The following LIMS1 variants were observed in gnomAD, a reference collection of about 807,000 sequenced individuals.
LIMS1 encodes the protein LIM zinc finger domain containing 1, also known as LIM and senescent cell antigen-like-containing domain protein 1.
In LIMS1, 18 loss-of-function variants were observed where a neutral mutation model predicts 44.1. The observed-to-expected ratio is 0.41, with a 90% CI of 0.28 to 0.61. The LOEUF (loss-of-function observed/expected upper bound fraction) is 0.61, where lower values mean the gene tolerates loss of function less well. LIMS1 is among the 20% of genes least tolerant of loss of function. The probability of loss-of-function intolerance (pLI) is 0.32; values close to 1 mark genes in which losing one functional copy is unlikely to be tolerated. For synonymous variants in LIMS1, 93 were observed against 149.1 expected (o/e 0.62, Z 2.74); for missense variants, 201 against 422.0 (o/e 0.48, Z 4.59).
intron 1 of LIMS1, among the ~76,000 whole-genome samples, chr2:108,619,357 G>C (rs1051809381): frequency 2.0e-5 from 3 of 148,054 alleles, no homozygotes; most frequent in Non-Finnish European, 4.5e-5. Context: ...GGTTGTTTCT[G>C]TTCTTTTTTT....
intron 1 of LIMS1, among the ~76,000 whole-genome samples, chr2:108,604,647 T>C (rs1035864005): frequency 6.6e-6 from 1 of 152,218 alleles, no homozygotes; most frequent in African/African-American, 2.4e-5. Flanking sequence ...ATGGGTTTCT[T>C]GTAACTAGCA....
chr2:108,679,012 A>C (rs1220395740), intron 8 of LIMS1, among the ~76,000 whole-genome samples: 1 of 152,174 alleles, frequency 6.6e-6, no homozygotes, highest in Non-Finnish European at 1.5e-5. Context: ...GATTAAAGTC[A>C]GCCCTCCGTA....
chr2:108,584,819 G>T (rs1336510663), intron 1 of LIMS1, among the ~76,000 whole-genome samples: 1 of 152,016 alleles, frequency 6.6e-6, no homozygotes, highest in African/African-American at 2.4e-5. Flanking sequence ...AAAGTGAGCG[G>T]CAGGAAGTGT....
intron 1 of LIMS1, among the ~76,000 whole-genome samples, chr2:108,583,477 T>TA (rs1573371544): frequency 6.6e-6 from 1 of 152,306 alleles, no homozygotes; most frequent in East Asian, 1.9e-4. Context: ...ATGACTTTCA[T>TA]AACAAGGACC....
At chr2:108,573,826 G>A (rs1235943771) in intron 1 of LIMS1, among the ~76,000 whole-genome samples, 1 of 152,162 alleles carries the variant, frequency 6.6e-6, no homozygotes, top group African/African-American at 2.4e-5. Context: ...GTTGATCTTG[G>A]AAGTCTTCTC....
chr2:108,536,468 A>G (rs754906252), intron 1 of LIMS1, among the ~76,000 whole-genome samples: 2 of 152,222 alleles, frequency 1.3e-5, no homozygotes, highest in African/African-American at 2.4e-5. Flanking sequence ...GTTGCTCAGT[A>G]GTGCTCCATG....
chr2:108,682,811 T>C (rs1693090762), intron 9 of LIMS1, among the ~76,000 whole-genome samples: 2 of 152,210 alleles, frequency 1.3e-5, no homozygotes, highest in South Asian at 4.1e-4. Context: ...ATAATTTTTG[T>C]CATAGATAGC....
chr2:108,597,320 A>G (rs1686759260), intron 1 of LIMS1, among the ~76,000 whole-genome samples: 1 of 152,212 alleles, frequency 6.6e-6, no homozygotes, highest in Non-Finnish European at 1.5e-5. Context: ...AAGTTTTTGT[A>G]TAACTTCCAG....
At chr2:108,593,588 G>A (rs1028298239) in intron 1 of LIMS1, among the ~76,000 whole-genome samples, 2 of 152,164 alleles carry the variant, frequency 1.3e-5, no homozygotes, top group African/African-American at 2.4e-5. Flanking sequence ...AGAACAATTA[G>A]CACCTGTATA....
intron 1 of LIMS1, among the ~76,000 whole-genome samples, chr2:108,550,679 C>T (rs1424706686): frequency 1.4e-4 from 20 of 144,396 alleles, no homozygotes; most frequent in East Asian, 4.2e-4. Context: ...AGTCGGGCGT[C>T]GTGGCGGGTG....
At chr2:108,664,201 C>G (rs1011470774) in intron 2 of LIMS1, among the ~76,000 whole-genome samples, 16 of 152,166 alleles carry the variant, frequency 1.1e-4, no homozygotes, top group South Asian at 2.1e-4. Flanking sequence ...TGGATCCACT[C>G]ACTTCAAGGC....
chr2:108,573,538 T>C (rs1188841603), intron 1 of LIMS1, among the ~76,000 whole-genome samples: 1 of 152,244 alleles, frequency 6.6e-6, no homozygotes, highest in East Asian at 1.9e-4. Context: ...TTAGCCCCAC[T>C]GCAGGGATGA....
At chr2:108,568,973 C>A (rs937111958) in intron 1 of LIMS1, among the ~76,000 whole-genome samples, 1 of 151,990 alleles carries the variant, frequency 6.6e-6, no homozygotes, top group Non-Finnish European at 1.5e-5. Context: ...CTCACTGCAA[C>A]CTCCGCCTCC....
chr2:108,597,600 A>C (rs1686776495), intron 1 of LIMS1, among the ~76,000 whole-genome samples: 1 of 152,104 alleles, frequency 6.6e-6, no homozygotes, highest in Non-Finnish European at 1.5e-5. Context: ...AGAGGCACAC[A>C]CACAGACTGT....
chr2:108,547,877 A>G (rs1198908595), intron 1 of LIMS1, among the ~76,000 whole-genome samples: 1 of 152,238 alleles, frequency 6.6e-6, no homozygotes, highest in African/African-American at 2.4e-5. Flanking sequence ...GTTTTAGGGA[A>G]TATATAGTAG....
intron 1 of LIMS1, among the ~76,000 whole-genome samples, chr2:108,564,228 T>C (rs1243239395): frequency 6.6e-6 from 1 of 152,168 alleles, no homozygotes; most frequent in Non-Finnish European, 1.5e-5. Context: ...GCTAGCATTT[T>C]TGAGCAATAA....
intron 1 of LIMS1, among the ~76,000 whole-genome samples, chr2:108,657,470 A>T (rs1443260100): frequency 3.3e-5 from 5 of 152,304 alleles, no homozygotes; most frequent in African/African-American, 1.2e-4. Flanking sequence ...GAGAATGACC[A>T]GGCAGATGTG....
chr2:108,538,436 T>C (rs1684211777), intron 1 of LIMS1, among the ~76,000 whole-genome samples: 3 of 152,164 alleles, frequency 2.0e-5, no homozygotes, highest in South Asian at 4.1e-4. Context: ...AAGCAAGTGC[T>C]GAAGAGTGCA....
At chr2:108,574,669 C>T (rs534437922) in intron 1 of LIMS1, among the ~76,000 whole-genome samples, 1 of 152,124 alleles carries the variant, frequency 6.6e-6, no homozygotes, top group Non-Finnish European at 1.5e-5. Context: ...TATTACTATA[C>T]CTGTTTTACA....
Sources: gnomAD v4.1 joint callset for allele counts (sites outside exome capture counted in the v4.1 genomes callset) on GRCh38, gnomAD v4.1.1 for gene constraint, MANE v1.5 for transcripts, NCBI Gene and HGNC (gene_info 2026-07-23, HGNC 2026-07-21) for gene names.